The following LUZP2 variants were observed in gnomAD, a reference collection of about 807,000 sequenced individuals.
LUZP2 encodes leucine zipper protein 2.
Under a neutral mutation model 51.6 loss-of-function variants are expected in LUZP2, and 52 were observed. The ratio of observed to expected loss-of-function variants is 1.01; its 90% confidence interval spans 0.81 to 1.27. The LOEUF (loss-of-function observed/expected upper bound fraction) is 1.27, where lower values mean the gene tolerates loss of function less well. Ranked by LOEUF, LUZP2 falls within the 50% of genes most tolerant of loss-of-function variation. The pLI, the probability that LUZP2 is intolerant of heterozygous loss-of-function variation, is 0.00. For synonymous variants in LUZP2, 154 were observed against 137.3 expected (o/e 1.12, Z -0.85); for missense variants, 436 against 395.4 (o/e 1.10, Z -0.87).
At chr11:24,857,551 T>C (rs890453220) in intron 5 of LUZP2, among the ~76,000 whole-genome samples, 1 of 121,378 alleles carries the variant, frequency 8.2e-6, no homozygotes, top group African/African-American at 3.0e-5. Context: ...CAGGTGCATA[T>C]CCAAAATAGG....
At chr11:24,554,204 C>G (rs1851801948) in intron 1 of LUZP2, among the ~76,000 whole-genome samples, 1 of 152,074 alleles carries the variant, frequency 6.6e-6, no homozygotes, top group African/African-American at 2.4e-5. Flanking sequence ...TAGACACATT[C>G]CGATTTTCTA....
chr11:24,969,845 A>G (rs1855694100), intron 7 of LUZP2, among the ~76,000 whole-genome samples: 2 of 152,088 alleles, frequency 1.3e-5, no homozygotes, highest in Admixed American at 6.6e-5. Flanking sequence ...CTCACATTTT[A>G]GGAGGCCAGT....
At chr11:24,540,508 T>G (rs191072018) in intron 1 of LUZP2, among the ~76,000 whole-genome samples, 61 of 152,202 alleles carry the variant, frequency 4.0e-4, no homozygotes, top group Admixed American at 5.2e-4. Flanking sequence ...AGCCAGAAAG[T>G]GCCCTCTCAC....
intron 1 of LUZP2, among the ~76,000 whole-genome samples, chr11:24,597,344 T>C (rs1366748638): frequency 2.0e-5 from 3 of 152,210 alleles, no homozygotes; most frequent in Admixed American, 6.5e-5. Context: ...TCTATTGATA[T>C]ACAGTAAGTC....
chr11:24,919,731 A>G (rs1341691949), intron 7 of LUZP2, among the ~76,000 whole-genome samples: 1 of 150,222 alleles, frequency 6.7e-6, no homozygotes, highest in Non-Finnish European at 1.5e-5. Flanking sequence ...AACTTGAGTT[A>G]TAGTTTTTAT....
chr11:25,076,809 A>G (rs781213645), intron 10 of LUZP2, among the ~76,000 whole-genome samples: 5 of 151,152 alleles, frequency 3.3e-5, no homozygotes, highest in Non-Finnish European at 5.9e-5. Flanking sequence ...TGAAGCTAAT[A>G]AGTAAGATCA....
At chr11:24,823,628 A>G (rs907873697) in intron 5 of LUZP2, among the ~76,000 whole-genome samples, 4 of 152,198 alleles carry the variant, frequency 2.6e-5, no homozygotes, top group African/African-American at 9.7e-5. Context: ...GGTGAGAAAG[A>G]CTGTGCCTTA....
chr11:24,536,844 C>T (rs1851194055), intron 1 of LUZP2, among the ~76,000 whole-genome samples: 1 of 151,824 alleles, frequency 6.6e-6, no homozygotes, highest in Admixed American at 6.6e-5. Flanking sequence ...TCTTACTAAG[C>T]TTGCTTATTT....
intron 9 of LUZP2, among the ~76,000 whole-genome samples, chr11:25,007,932 T>G (rs187153244): frequency 6.6e-6 from 1 of 152,218 alleles, no homozygotes; most frequent in Non-Finnish European, 1.5e-5. Flanking sequence ...CCCTAATAAT[T>G]GCTTGTGAAC....
intron 7 of LUZP2, among the ~76,000 whole-genome samples, chr11:24,945,287 T>TA (rs1330912905): frequency 6.6e-6 from 1 of 152,320 alleles, no homozygotes; most frequent in East Asian, 1.9e-4. Flanking sequence ...CACAATAAGA[T>TA]ACAGAGAGAT....
chr11:24,914,242 G>A (rs989525250), intron 6 of LUZP2, among the ~76,000 whole-genome samples: 1 of 152,010 alleles, frequency 6.6e-6, no homozygotes. Flanking sequence ...AACAATAATC[G>A]ACTTTCTTTA....
At chr11:24,670,158 T>C (rs990659552) in intron 1 of LUZP2, among the ~76,000 whole-genome samples, 5 of 152,088 alleles carry the variant, frequency 3.3e-5, no homozygotes, top group African/African-American at 4.8e-5. Flanking sequence ...CTTAAAAATA[T>C]AGTGTTCATA....
At chr11:24,810,714 G>A (rs1316563587) in intron 5 of LUZP2, among the ~76,000 whole-genome samples, 1 of 152,162 alleles carries the variant, frequency 6.6e-6, no homozygotes, top group African/African-American at 2.4e-5. Context: ...GTCAAGAACA[G>A]AGTTATAATT....
intron 5 of LUZP2, among the ~76,000 whole-genome samples, chr11:24,798,514 A>C (rs1849609142): frequency 6.6e-6 from 1 of 152,130 alleles, no homozygotes; most frequent in Admixed American, 6.6e-5. Context: ...GTTTAATTTG[A>C]AAAACTAACA....
intron 7 of LUZP2, 112 bp from the exon 8 acceptor site, chr11:24,976,479 T>A: frequency 3.3e-6 from 2 of 599,058 alleles, no homozygotes; most frequent in Admixed American, 7.0e-5. Context: ...ACACTGTTTT[T>A]TTTTTTTTTC....
intron 5 of LUZP2, among the ~76,000 whole-genome samples, chr11:24,888,450 G>A (rs1170602775): frequency 2.0e-5 from 3 of 151,896 alleles, no homozygotes; most frequent in Admixed American, 6.6e-5. Context: ...AAGCCATATT[G>A]CAAATATGAT....
At chr11:24,539,601 A>T (rs947936907) in intron 1 of LUZP2, among the ~76,000 whole-genome samples, 4 of 152,006 alleles carry the variant, frequency 2.6e-5, no homozygotes, top group African/African-American at 9.7e-5. Context: ...TTCCTGCATC[A>T]CACTCAGAAA....
chr11:24,793,463 A>G (rs1241390506), intron 5 of LUZP2, among the ~76,000 whole-genome samples: 1 of 152,180 alleles, frequency 6.6e-6, no homozygotes, highest in Non-Finnish European at 1.5e-5. Flanking sequence ...GTTTGCAGTG[A>G]AAAGACTTTT....
At position 24,508,164 on chromosome 11, in the gene LUZP2, G is replaced by A. The variant is rs143772322; in HGVS notation, c.62+10859G>A. On this transcript the variant is annotated intron_variant, in intron 1 of 11. Transcript: ENST00000336930. Reference sequence around the variant, plus strand: ...AACATTATAACTGGTAAGCAGTGGAGTCTAAATTCAAAGGCCAGGTGGCAC... The same window carrying A: ...AACATTATAACTGGTAAGCAGTGGAATCTAAATTCAAAGGCCAGGTGGCAC... Among the ~76,000 whole-genome samples, 874 of 152,120 alleles carry A rather than the reference G, an allele frequency of 5.7e-3. 6 individuals are homozygous for A. The highest frequency in any genetic ancestry group is 0.01 in the Non-Finnish European group (692 of 67,978).
Sources: allele counts gnomAD v4.1 joint callset (sites outside exome capture counted in the v4.1 genomes callset), GRCh38; gene constraint gnomAD v4.1.1; transcripts MANE v1.5; gene names NCBI Gene and HGNC (gene_info 2026-07-23, HGNC 2026-07-21).